Variants in RBFOX1 observed in about 807,000 individuals in gnomAD.
The protein encoded by RBFOX1 is RNA binding fox-1 homolog 1.
RBFOX1 carries 8 observed loss-of-function variants against 57.7 expected under a neutral mutation model. That is an observed-to-expected ratio of 0.14 (90% CI 0.08 to 0.25). RBFOX1 has a LOEUF of 0.25. Among genes scored for constraint, RBFOX1 ranks in the 10% least tolerant of loss-of-function variants. The probability of loss-of-function intolerance (pLI) is 1.00; values close to 1 mark genes in which losing one functional copy is unlikely to be tolerated. For missense variants in RBFOX1, 611 were observed against 548.5 expected (o/e 1.11, Z -1.14); for synonymous variants, 326 against 222.4 (o/e 1.47, Z -4.15).
intron 3 of RBFOX1, among the ~76,000 whole-genome samples, chr16:5,857,975 T>C (rs1449186624): frequency 1.3e-5 from 2 of 151,728 alleles, no homozygotes; most frequent in African/African-American, 4.9e-5. Flanking sequence ...TGTTATAAAA[T>C]ATCATTTTGT....
intron 3 of RBFOX1, among the ~76,000 whole-genome samples, chr16:5,844,515 A>G (rs2056702874): frequency 6.6e-6 from 1 of 152,168 alleles, no homozygotes; most frequent in Non-Finnish European, 1.5e-5. Context: ...TCCTGCGTTC[A>G]CCTTGGACAT....
chr16:7,310,601 C>A (rs1454673649), intron 4 of RBFOX1, among the ~76,000 whole-genome samples: 1 of 152,156 alleles, frequency 6.6e-6, no homozygotes, highest in African/African-American at 2.4e-5. Flanking sequence ...ATTCAGGCAC[C>A]ACTTCCTAAG....
chr16:7,518,281 C>G lies in RBFOX1; in HGVS notation c.162C>G (p.Gly54=), dbSNP rs1263661700. 1.9e-6 allele frequency: 3 copies of G among 1,614,056 alleles called. No homozygotes were observed. Among genetic ancestry groups the G allele is most frequent in the Non-Finnish European group, 2.5e-6 (3 of 1,180,032 alleles). The change falls in exon 5 of 16, where the codon GGC becomes GGG. Residue 54 remains glycine, a synonymous_variant. Transcript: ENST00000550418. ...CCCACCCCGCGCCAGAGTACACAGG[C>G]CAGACCACGGTTCCCGAGCACACAT... ...PHPHPAPEYT[G]QTTVPEHTLN...
intron 5 of RBFOX1, among the ~76,000 whole-genome samples, chr16:7,558,325 G>C (rs2152638276): frequency 6.6e-6 from 1 of 152,116 alleles, no homozygotes; most frequent in African/African-American, 2.4e-5. Context: ...TTGCACTCTA[G>C]CCTTTGTGAC....
chr16:6,210,259 A>C (rs556875938), intron 1 of RBFOX1, among the ~76,000 whole-genome samples: 1 of 149,230 alleles, frequency 6.7e-6, no homozygotes, highest in Non-Finnish European at 1.5e-5. Context: ...TAGAAATTGC[A>C]GTAAGCTGAG....
rs545483755 is a variant in RBFOX1, at chr16:7,383,055, T to A, written c.28-135092T>A. On this transcript the variant is annotated intron_variant, in intron 4 of 15. Coordinates refer to ENST00000550418, the MANE Select transcript of RBFOX1 (RefSeq NM_018723.4). ...CTAAAGAGTAGAGAATTTTCTTTGG[T>A]ATCTAAAGAAAAAAAAATGCAATAT... Among the ~76,000 whole-genome samples the A allele has an allele frequency of 1.4e-4, 22 of 152,250 alleles. No individual in the cohort carries two copies. The South Asian group carries it at 4.6e-3, about 32-fold the overall frequency.
At chr16:7,078,486 T>G (rs911772404) in intron 4 of RBFOX1, among the ~76,000 whole-genome samples, 5 of 151,882 alleles carry the variant, frequency 3.3e-5, no homozygotes, top group Non-Finnish European at 7.4e-5. Context: ...TAGCTGGGAT[T>G]ATAGGTGCCT....
intron 3 of RBFOX1, among the ~76,000 whole-genome samples, chr16:6,929,449 CA>C (rs1236291656): frequency 5.3e-5 from 8 of 152,106 alleles, no homozygotes; most frequent in Non-Finnish European, 7.3e-5. Flanking sequence ...TGGTATATAT[CA>C]GAAGCGTGCT....
At chr16:6,996,242 G>C (rs2092226909) in intron 3 of RBFOX1, among the ~76,000 whole-genome samples, 1 of 152,132 alleles carries the variant, frequency 6.6e-6, no homozygotes, top group South Asian at 2.1e-4. Flanking sequence ...TTTAGCCTTT[G>C]CTTTTAAATT....
chr16:7,163,271 G>T (rs182876311), intron 4 of RBFOX1, among the ~76,000 whole-genome samples: 16 of 152,264 alleles, frequency 1.1e-4, no homozygotes, highest in African/African-American at 3.9e-4. Context: ...TGGACGAAGG[G>T]GCAGGGGGTT....
chr16:7,068,814 C>A (rs1047111183), intron 4 of RBFOX1, among the ~76,000 whole-genome samples: 10 of 152,302 alleles, frequency 6.6e-5, no homozygotes, highest in African/African-American at 2.4e-4. Flanking sequence ...GTCTCGAACT[C>A]CAGACCTCAA....
At chr16:5,897,615 G>T (rs1453056303) in intron 4 of RBFOX1, among the ~76,000 whole-genome samples, 1 of 152,120 alleles carries the variant, frequency 6.6e-6, no homozygotes, top group Non-Finnish European at 1.5e-5. Flanking sequence ...TTCAGCACCT[G>T]GGAAACCAAG....
intron 3 of RBFOX1, among the ~76,000 whole-genome samples, chr16:6,808,153 C>G (rs187105465): frequency 3.7e-5 from 4 of 108,344 alleles, no homozygotes; most frequent in Admixed American, 2.8e-4. Flanking sequence ...CATATTATAC[C>G]TTATATATGT....
intron 1 of RBFOX1, among the ~76,000 whole-genome samples, chr16:5,438,838 A>G (rs903991047): frequency 2.6e-5 from 4 of 152,044 alleles, no homozygotes; most frequent in African/African-American, 9.7e-5. Flanking sequence ...TAGGGTCAAA[A>G]TCCCGCCTTC....
chr16:6,400,740 A>T (rs893005422), intron 2 of RBFOX1, among the ~76,000 whole-genome samples: 1 of 152,166 alleles, frequency 6.6e-6, no homozygotes, highest in Admixed American at 6.5e-5. Context: ...TCTACAAAAA[A>T]TTCAGAAGTT....
At chr16:5,449,545 C>T (rs1416324025) in intron 1 of RBFOX1, among the ~76,000 whole-genome samples, 1 of 152,188 alleles carries the variant, frequency 6.6e-6, no homozygotes, top group African/African-American at 2.4e-5. Context: ...GAACCCACAT[C>T]TATCTGGCCC....
intron 2 of RBFOX1, among the ~76,000 whole-genome samples, chr16:6,585,110 G>C (rs1372821615): frequency 6.6e-6 from 1 of 152,110 alleles, no homozygotes; most frequent in African/African-American, 2.4e-5. Context: ...ATACACAATG[G>C]TTAGCATTTT....
intron 1 of RBFOX1, among the ~76,000 whole-genome samples, chr16:5,326,131 A>G (rs78049625): frequency 0.022 from 3,394 of 152,306 alleles, 131 homozygotes; most frequent in African/African-American, 0.076. Flanking sequence ...TGGTATCGTC[A>G]GCATTTTTAA....
chr16:6,842,092 G>A (rs888082476), intron 3 of RBFOX1, among the ~76,000 whole-genome samples: 1 of 151,600 alleles, frequency 6.6e-6, no homozygotes, highest in Non-Finnish European at 1.5e-5. Flanking sequence ...GCAGTGAGCG[G>A]AGATCGCGCC....
Sources: allele counts gnomAD v4.1 joint callset (sites outside exome capture counted in the v4.1 genomes callset), GRCh38; gene constraint gnomAD v4.1.1; transcripts MANE v1.5; gene names NCBI Gene and HGNC (gene_info 2026-07-23, HGNC 2026-07-21).